STK24: variants seen among roughly 807,000 people sequenced by gnomAD.
The protein encoded by STK24 is serine/threonine kinase 24.
Under a neutral mutation model 55.6 loss-of-function variants are expected in STK24, and 21 were observed. That is an observed-to-expected ratio of 0.38 (90% CI 0.27 to 0.54). The LOEUF is 0.54. Among genes scored for constraint, STK24 ranks in the 20% least tolerant of loss-of-function variants. The pLI, the probability that STK24 is intolerant of heterozygous loss-of-function variation, is 0.79. For synonymous variants in STK24, 200 were observed against 215.2 expected, an observed-to-expected ratio of 0.93 and a Z score of 0.62; for missense variants, 383 against 538.4, an observed-to-expected ratio of 0.71 and a Z score of 2.86.
In STK24 at chr13:98,446,174, A is replaced by G; in HGVS notation, c.*6999T>C. 3 of 1,613,674 alleles carry G rather than the reference A, an allele frequency of 1.9e-6. No homozygotes were observed. The highest frequency in any genetic ancestry group is 2.5e-6 in the Non-Finnish European group (3 of 1,179,620). ...CAGAAGCTGTGGGTGGTGTTCACAA[A>G]CTTCTGCCTGTTCTTCTACAAATCA... is the stretch of plus-strand genomic sequence containing the variant. On this transcript the variant is annotated 3_prime_UTR_variant, in exon 11 of 11. Coordinates refer to ENST00000539966, the MANE Select transcript of STK24 (RefSeq NM_001032296.4).
At chr13:98,547,003 C>G (rs1393591564) in intron 1 of STK24, among the ~76,000 whole-genome samples, 1 of 152,144 alleles carries the variant, frequency 6.6e-6, no homozygotes, top group East Asian at 1.9e-4. Flanking sequence ...CCTCCGCTTC[C>G]CAGGTTCAAG....
chr13:98,537,335 G>T (rs1366493569), intron 1 of STK24, among the ~76,000 whole-genome samples: 1 of 152,184 alleles, frequency 6.6e-6, no homozygotes, highest in Non-Finnish European at 1.5e-5. Flanking sequence ...CCCCTGGATG[G>T]CGTTACCCTA....
chr13:98,544,277 C>G (rs1231039308), intron 1 of STK24, among the ~76,000 whole-genome samples: 1 of 152,204 alleles, frequency 6.6e-6, no homozygotes, highest in Non-Finnish European at 1.5e-5. Context: ...GGCTCTGAAA[C>G]TGAGGTGGCA....
At chr13:98,500,109 T>C (rs1895394750) in intron 2 of STK24, among the ~76,000 whole-genome samples, 1 of 152,232 alleles carries the variant, frequency 6.6e-6, no homozygotes, top group Non-Finnish European at 1.5e-5. Flanking sequence ...CAGAGAGCTA[T>C]TTACTGGAAA....
At chr13:98,568,684 T>C (rs1290185257) in intron 1 of STK24, among the ~76,000 whole-genome samples, 1 of 151,952 alleles carries the variant, frequency 6.6e-6, no homozygotes, top group African/African-American at 2.4e-5. Flanking sequence ...CTGCTCCACA[T>C]GGTGAAACCT....
rs3783003 is a variant in STK24, at chr13:98,477,801, T to C, written c.331-2443A>G. ...CTGGACTTAACCACCTCCCTTCCAT[T>C]ACCAAGTCTCCCAAAAGCAACGGCA... On this transcript the variant is annotated intron_variant, in intron 3 of 10. Coordinates refer to ENST00000539966, the MANE Select transcript of STK24 (RefSeq NM_001032296.4). Among the ~76,000 whole-genome samples, 225 of 152,116 alleles carry C rather than the reference T, an allele frequency of 1.5e-3. 2 individuals carry two copies. In the East Asian group the frequency reaches 0.022, roughly 15 times the overall value.
At chr13:98,533,152 G>A (rs1896626241) in intron 1 of STK24, among the ~76,000 whole-genome samples, 1 of 152,214 alleles carries the variant, frequency 6.6e-6, no homozygotes, top group South Asian at 2.1e-4. Context: ...GCTGAGGTGG[G>A]TGGATCACTT....
chr13:98,550,490 C>T (rs1897132826), intron 1 of STK24, among the ~76,000 whole-genome samples: 2 of 152,220 alleles, frequency 1.3e-5, no homozygotes, highest in South Asian at 4.1e-4. Context: ...GATCACACCA[C>T]TGCACTCCAG....
chr13:98,494,319 CAG>C (rs1316813939), intron 2 of STK24, among the ~76,000 whole-genome samples: 1 of 143,710 alleles, frequency 7.0e-6, no homozygotes, highest in African/African-American at 2.6e-5. Flanking sequence ...CTGAGTGAGG[CAG>C]GAGAATGGCG....
At chr13:98,507,790 C>T (rs899013372) in intron 2 of STK24, among the ~76,000 whole-genome samples, 2 of 152,140 alleles carry the variant, frequency 1.3e-5, no homozygotes, top group African/African-American at 4.8e-5. Context: ...GTCAGGAAGG[C>T]GGGAGACAAA....
At chr13:98,522,498 A>G (rs1442392397) in intron 1 of STK24, among the ~76,000 whole-genome samples, 1 of 152,216 alleles carries the variant, frequency 6.6e-6, no homozygotes, top group African/African-American at 2.4e-5. Context: ...TTAAAGACTC[A>G]CGTACATGAC....
chr13:98,529,439 C>G (rs1357908234), intron 1 of STK24, among the ~76,000 whole-genome samples: 1 of 152,300 alleles, frequency 6.6e-6, no homozygotes, highest in Admixed American at 6.5e-5. Context: ...GTTTCCTTCA[C>G]TGCTTAAAAC....
chr13:98,462,495 CCT>C (rs1169523111), intron 7 of STK24, among the ~76,000 whole-genome samples: 3 of 152,144 alleles, frequency 2.0e-5, no homozygotes, highest in Admixed American at 6.5e-5. Context: ...CTGATCATCC[CCT>C]GATGCCTGTG....
chr13:98,486,651 T>A (rs1272046379), intron 2 of STK24, among the ~76,000 whole-genome samples: 2 of 152,174 alleles, frequency 1.3e-5, no homozygotes, highest in African/African-American at 2.4e-5. Flanking sequence ...TTCTGATAAC[T>A]GAAAATGTCT....
intron 5 of STK24, among the ~76,000 whole-genome samples, chr13:98,467,823 T>C (rs1893979054): frequency 6.6e-6 from 1 of 152,112 alleles, no homozygotes; most frequent in African/African-American, 2.4e-5. Flanking sequence ...TGACAGCTGA[T>C]GAGACATTGA....
chr13:98,448,537 G>GTTCT lies in STK24; in HGVS notation c.*4632_*4635dup. The GTTCT allele has an allele frequency of 1.8e-6, 1 of 559,434 alleles. No individual in the cohort carries two copies. The highest frequency in any genetic ancestry group is 3.1e-5 in the East Asian group (1 of 32,776). 34.7% of individuals were successfully genotyped at this position (559,434 alleles called of 1,614,324 possible). A position where few individuals can be genotyped will look rare whatever the true frequency, so the allele number is the denominator to read the frequency against. ...AGTCCTGGCATCCGCTGGGGGCGCT[G>GTTCT]TTCTTTAGCTAGTGCCAGTATTAAA... On this transcript the variant is annotated 3_prime_UTR_variant, in exon 11 of 11. Coordinates refer to ENST00000539966, the MANE Select transcript of STK24 (RefSeq NM_001032296.4).
intron 2 of STK24, among the ~76,000 whole-genome samples, chr13:98,497,708 T>A (rs1295222079): frequency 6.6e-6 from 1 of 152,166 alleles, no homozygotes; most frequent in East Asian, 1.9e-4. Context: ...GACTTGCCCA[T>A]TGGCTTGTCT....
At chr13:98,542,881 C>A in intron 1 of STK24, 1 of 985,448 alleles carries the variant, frequency 1.0e-6, no homozygotes, top group South Asian at 4.7e-5. Context: ...ATCTAGACCC[C>A]CTCATTTCCA....
At chr13:98,532,450 C>T (rs80124053) in intron 1 of STK24, among the ~76,000 whole-genome samples, 3,643 of 150,534 alleles carry the variant, frequency 0.024, 157 homozygotes, top group African/African-American at 0.084. Flanking sequence ...CACACACATC[C>T]CATCCCACAC....
Sources: gnomAD v4.1 joint callset for allele counts (sites outside exome capture counted in the v4.1 genomes callset) on GRCh38, gnomAD v4.1.1 for gene constraint, MANE v1.5 for transcripts, NCBI Gene and HGNC (gene_info 2026-07-23, HGNC 2026-07-21) for gene names.